The following MYO16 variants were observed in gnomAD, a reference collection of about 807,000 sequenced individuals.
The protein encoded by MYO16 is myosin XVI.
MYO16 carries 94 observed loss-of-function variants against 205.3 expected under a neutral mutation model. The ratio of observed to expected loss-of-function variants is 0.46; its 90% CI spans 0.39 to 0.54. The LOEUF (loss-of-function observed/expected upper bound fraction) is 0.54, where lower values mean the gene tolerates loss of function less well. MYO16 is among the 20% of genes least tolerant of loss of function. MYO16 has a pLI of 0.00. For missense variants in MYO16, 2,315 were observed against 2,387.5 expected (o/e 0.97, Z 0.63); for synonymous variants, 988 against 954.0 (o/e 1.04, Z -0.66).
chr13:108,914,210 A>G (rs1881387981), intron 16 of MYO16, among the ~76,000 whole-genome samples: 1 of 149,008 alleles, frequency 6.7e-6, no homozygotes, highest in South Asian at 2.1e-4. Flanking sequence ...GTTAATAATT[A>G]CTGTATCTAC....
intron 2 of MYO16, among the ~76,000 whole-genome samples, chr13:108,667,315 G>GTT (rs1186561491): frequency 0.046 from 5,455 of 117,912 alleles, 263 homozygotes; most frequent in Middle Eastern, 0.11. Context: ...GAGAATTTCT[G>GTT]TTTTGTTTTT....
intron 15 of MYO16, among the ~76,000 whole-genome samples, chr13:108,899,425 A>C (rs975375318): frequency 8.7e-5 from 13 of 149,684 alleles, no homozygotes; most frequent in Non-Finnish European, 1.8e-4. Flanking sequence ...CTCCATCTCA[A>C]AAAAAAAAAA....
At chr13:108,909,538 C>T (rs1881162361) in intron 15 of MYO16, among the ~76,000 whole-genome samples, 1 of 151,754 alleles carries the variant, frequency 6.6e-6, no homozygotes, top group Non-Finnish European at 1.5e-5. Context: ...GGACCATGGT[C>T]TGTCTCCCTG....
chr13:108,629,674 T>G lies in MYO16; in HGVS notation c.-171T>G. On this transcript the variant is annotated 5_prime_UTR_variant, in exon 1 of 35. An upstream start codon of the reference 5' UTR is lost. Transcript: ENST00000457511. The stretch of plus-strand genomic sequence containing the variant: ...CTTAACTCCAGCTGCCGAATGAGAA[T>G]GAGTTTGAAGCTTTTTGCAGGATCA... 1.7e-6 allele frequency: 1 copy of G among 572,206 alleles called. No homozygotes were observed. The highest frequency in any genetic ancestry group is 2.9e-5 in the East Asian group (1 of 34,866). The allele number at this position is 572,206 out of a possible 1,614,324, so 35.4% of individuals were successfully genotyped here.
chr13:109,159,206 A>C (rs1878239788), intron 32 of MYO16, among the ~76,000 whole-genome samples: 1 of 152,250 alleles, frequency 6.6e-6, no homozygotes, highest in Admixed American at 6.5e-5. Flanking sequence ...TGCATAAAAG[A>C]AAATATTCAC....
chr13:109,144,207 G>A (rs1472225117), intron 32 of MYO16, among the ~76,000 whole-genome samples: 1 of 151,908 alleles, frequency 6.6e-6, no homozygotes, highest in Non-Finnish European at 1.5e-5. Flanking sequence ...TAGGGATGGG[G>A]TTTCACCATG....
At chr13:108,755,608 A>G (rs1411360859) in intron 4 of MYO16, among the ~76,000 whole-genome samples, 1 of 152,044 alleles carries the variant, frequency 6.6e-6, no homozygotes, top group East Asian at 1.9e-4. Flanking sequence ...TTTTAGTAAT[A>G]TTTATGATTG....
At chr13:108,573,624 G>A in the MYO16 span, among the ~76,000 whole-genome samples, 2 of 152,168 alleles carry the variant, frequency 1.3e-5, no homozygotes, top group African/African-American at 4.8e-5. Context: ...TTTCTCCATT[G>A]TAGTCTGGGA....
chr13:109,191,868 T>C (rs1879931643), intron 34 of MYO16, among the ~76,000 whole-genome samples: 1 of 152,186 alleles, frequency 6.6e-6, no homozygotes, highest in African/African-American at 2.4e-5. Flanking sequence ...CTGTTCAGAG[T>C]ATAAGTAAAG....
intron 3 of MYO16, among the ~76,000 whole-genome samples, chr13:108,717,096 T>C (rs1428549092): frequency 1.3e-5 from 2 of 152,056 alleles, no homozygotes; most frequent in Admixed American, 6.6e-5. Flanking sequence ...ATTATGTTTA[T>C]GAAGTAAAAA....
intron 5 of MYO16, among the ~76,000 whole-genome samples, chr13:108,792,398 A>G (rs1886642990): frequency 6.6e-6 from 1 of 152,190 alleles, no homozygotes; most frequent in South Asian, 2.1e-4. Flanking sequence ...CCCTAATGTT[A>G]ACACTCGCAT....
intron 32 of MYO16, among the ~76,000 whole-genome samples, chr13:109,158,329 T>G (rs72656295): frequency 0.068 from 10,352 of 152,260 alleles, 412 homozygotes; most frequent in African/African-American, 0.083. Context: ...TCTCCACTCT[T>G]GCAGAGTTTT....
chr13:108,500,220 TGTTTTTTTTTTGTTTTTTTTG>T, the MYO16 span, among the ~76,000 whole-genome samples: 18,969 of 78,622 alleles, frequency 0.24, 7,156 homozygotes, highest in Admixed American at 0.32. Flanking sequence ...TTTTTTTTTT[TGTTTTTTTTTTGTTTTTTTTG>T]TTTTTTTTTT....
chr13:108,716,723 C>T (rs1171182989), intron 3 of MYO16, among the ~76,000 whole-genome samples: 3 of 152,008 alleles, frequency 2.0e-5, no homozygotes, highest in East Asian at 1.9e-4. Flanking sequence ...AGACGATCAG[C>T]GACTTTGAGG....
rs757251623 is a variant in MYO16 at position 109,164,947 on chromosome 13, G to A, written c.5211G>A (p.Thr1737=). ...MNISSRDDPS[T]SEITSETQDR... is the part of the protein sequence containing the mutation. Reference sequence around the variant, plus strand: ...TAAGTAGCCGAGATGACCCTAGTACGTCAGAAATTACTTCCGAGACTCAAG... The same window carrying A: ...TAAGTAGCCGAGATGACCCTAGTACATCAGAAATTACTTCCGAGACTCAAG... The change falls in exon 33 of 35, where the codon ACG becomes ACA. Residue 1737 remains threonine, a synonymous_variant. Transcript: ENST00000457511. 4.1e-5 allele frequency: 66 copies of A among 1,606,784 alleles called. No individual in the cohort carries two copies. The highest frequency in any genetic ancestry group is 2.1e-4 in the African/African-American group (16 of 74,684).
At chr13:108,525,663 G>A in the MYO16 span, among the ~76,000 whole-genome samples, 3 of 152,218 alleles carry the variant, frequency 2.0e-5, no homozygotes, top group African/African-American at 4.8e-5. Flanking sequence ...GTTTAACCAA[G>A]TGACTGAACT....
intron 23 of MYO16, among the ~76,000 whole-genome samples, chr13:109,042,504 G>A (rs572266664): frequency 2.6e-5 from 4 of 152,190 alleles, no homozygotes; most frequent in South Asian, 4.1e-4. Context: ...GGAAAAGACA[G>A]CAACAACAAC....
At chr13:108,848,109 T>C (rs1323486564) in intron 10 of MYO16, among the ~76,000 whole-genome samples, 1 of 152,136 alleles carries the variant, frequency 6.6e-6, no homozygotes, top group Non-Finnish European at 1.5e-5. Flanking sequence ...TACATAGGAC[T>C]GGGCTTGTAT....
At chr13:108,983,066 T>C (rs1884502444) in intron 20 of MYO16, among the ~76,000 whole-genome samples, 1 of 152,210 alleles carries the variant, frequency 6.6e-6, no homozygotes, top group Non-Finnish European at 1.5e-5. Context: ...AACATTTTAT[T>C]GATAATATGT....
Sources: gnomAD v4.1 joint callset for allele counts (sites outside exome capture counted in the v4.1 genomes callset) on GRCh38, gnomAD v4.1.1 for gene constraint, MANE v1.5 for transcripts, NCBI Gene and HGNC (gene_info 2026-07-23, HGNC 2026-07-21) for gene names.